PLVAP: variants seen among roughly 807,000 people sequenced by gnomAD.
The protein encoded by PLVAP is plasmalemma vesicle-associated protein.
In PLVAP, 34 loss-of-function variants were observed where a neutral mutation model predicts 43.1. That is an observed-to-expected ratio of 0.79 (90% confidence interval 0.60 to 1.05). PLVAP has a LOEUF of 1.05. PLVAP is among the 50% of genes least tolerant of loss of function. PLVAP has a pLI of 0.00. For missense variants in PLVAP, 574 were observed against 593.4 expected (o/e 0.97, Z 0.34); for synonymous variants, 241 against 237.3 (o/e 1.02, Z -0.14).
chr19:17,365,408 C>A lies in PLVAP; in HGVS notation c.1057G>T (p.Val353Leu), dbSNP rs1416623769. ...AGGTTGTCTCGTTCCTTCCGCAGCA[C>A]CGCCTTCTCCTCCAGCGCTAGCTGG... ...QTQLALEEKA[V>L]LRKERDNLAK... The change falls in exon 3 of 6, where the codon GTG (valine) becomes TTG (leucine). Residue 353 changes from valine (V) to leucine (L), a missense_variant. Coordinates refer to ENST00000252590, the MANE Select transcript of PLVAP (RefSeq NM_031310.3). 2 of 1,613,328 alleles carry A rather than the reference C, an allele frequency of 1.2e-6. No homozygotes were observed. Among genetic ancestry groups the A allele is most frequent in the African/African-American group, 1.3e-5 (1 of 75,066 alleles).
At chr19:17,359,505 A>T (rs1044783202) in intron 5 of PLVAP, among the ~76,000 whole-genome samples, 2 of 151,706 alleles carry the variant, frequency 1.3e-5, no homozygotes, top group African/African-American at 4.8e-5. Context: ...TCCCGGGTTC[A>T]AGTGATTCTC....
At position 17,365,862 on chromosome 19, in the gene PLVAP, C is replaced by T; in HGVS notation, c.603G>A (p.Val201=). 1 of 1,614,128 alleles carries T rather than the reference C, an allele frequency of 6.2e-7. No individual in the cohort carries two copies. The highest frequency in any genetic ancestry group is 8.5e-7 in the Non-Finnish European group (1 of 1,180,036). The change falls in exon 3 of 6, where the codon GTG becomes GTA. Residue 201 remains valine (V), a synonymous_variant. Transcript: ENST00000252590. ...RVAEEQLVEC[V]KTRELQHQER... is the part of the protein sequence containing the mutation. ...CTTGGTGCTGCAGCTCCCGGGTTTT[C>T]ACGCATTCAACCAGCTGTTCCTCCG...
In PLVAP at chr19:17,361,037, C is replaced by T. The variant is rs1437110677; in HGVS notation, c.1180-205G>A. ...TCAAGCGATTCTCCTGCCTAAGCCTCCTGGGTAGCTGGGACTACAGTCACA... is the reference window on the plus strand; with the variant it reads ...TCAAGCGATTCTCCTGCCTAAGCCTTCTGGGTAGCTGGGACTACAGTCACA... On this transcript the variant is annotated intron_variant, in intron 3 of 5. Transcript: ENST00000252590. The T allele has an allele frequency of 5.2e-5, 28 of 540,870 alleles. No individual in the cohort carries two copies. In the East Asian group the frequency reaches 8.2e-4, roughly 16 times the overall value. 33.5% of individuals were successfully genotyped at this position (540,870 alleles called of 1,614,324 possible).
At chr19:17,373,918 T>C (rs2074584452) in intron 1 of PLVAP, among the ~76,000 whole-genome samples, 1 of 152,078 alleles carries the variant, frequency 6.6e-6, no homozygotes, top group Non-Finnish European at 1.5e-5. Flanking sequence ...TCTCAACACT[T>C]TGGGAGGCCA....
At chr19:17,371,219 C>T (rs1035449677) in intron 1 of PLVAP, among the ~76,000 whole-genome samples, 7 of 150,952 alleles carry the variant, frequency 4.6e-5, no homozygotes, top group Non-Finnish European at 7.4e-5. Context: ...TAGAGTGCAG[C>T]GGTGTGATCT....
chr19:17,365,363 T>C lies in PLVAP; in HGVS notation c.1102A>G (p.Lys368Glu), dbSNP rs1353602589. 5.6e-6 allele frequency: 9 copies of C among 1,613,452 alleles called. No individual in the cohort carries two copies. The Admixed American group carries it at 1.5e-4, about 27-fold the overall frequency. ...RDNLAKELEE[K>E]KREAEQLRME... is the part of the protein sequence containing the mutation. Reference sequence around the variant, plus strand: ...CTGAGCTGCTCCGCCTCCCTCTTCTTCTCTTCCAGCTCCTTGGCCAGGTTG... The same window carrying C: ...CTGAGCTGCTCCGCCTCCCTCTTCTCCTCTTCCAGCTCCTTGGCCAGGTTG... The change falls in exon 3 of 6, where the codon AAG becomes GAG. Residue 368 changes from lysine to glutamate, a missense_variant. Physicochemically the swap from Lys to Glu is moderately conservative, Grantham distance 56 (BLOSUM62 1). Coordinates refer to ENST00000252590, the MANE Select transcript of PLVAP (RefSeq NM_031310.3).
In PLVAP at chr19:17,352,305, C is replaced by T; in HGVS notation, c.*57G>A. The T allele has an allele frequency of 6.2e-7, 1 of 1,608,334 alleles. No individual in the cohort carries two copies. Among genetic ancestry groups the T allele is most frequent in the Non-Finnish European group, 8.5e-7 (1 of 1,175,546 alleles). On this transcript the variant is annotated 3_prime_UTR_variant, in exon 6 of 6. Coordinates refer to ENST00000252590, the MANE Select transcript of PLVAP (RefSeq NM_031310.3). ...GTCGGGCGCTGTGAGCATATCCCTG[C>T]ATCCTCCGCAAACCGCCGAGTCGGG...
At position 17,352,125 on chromosome 19, in the gene PLVAP, G is replaced by A. The variant is rs971927976; in HGVS notation, c.*237C>T. On this transcript the variant is annotated 3_prime_UTR_variant, in exon 6 of 6. Coordinates refer to ENST00000252590, the MANE Select transcript of PLVAP (RefSeq NM_031310.3). Reference sequence around the variant, plus strand: ...ATCACCACGGTGATATGTGACGTCAGCGCCGTTGCTTGCGTGACGTCATCT... The same window carrying A: ...ATCACCACGGTGATATGTGACGTCAACGCCGTTGCTTGCGTGACGTCATCT... 1 of 580,674 alleles carries A rather than the reference G, an allele frequency of 1.7e-6. No homozygotes were observed. The highest frequency in any genetic ancestry group is 1.9e-5 in the African/African-American group (1 of 54,014). 36.0% of individuals were successfully genotyped at this position (580,674 alleles called of 1,614,324 possible). A position where few individuals can be genotyped will look rare whatever the true frequency, so the allele number is the denominator to read the frequency against.
rs2074546148 is a variant in PLVAP at position 17,365,608 on chromosome 19, A to C, written c.857T>G (p.Leu286Arg). The C allele has an allele frequency of 6.2e-7, 1 of 1,613,156 alleles. No homozygotes were observed. The highest frequency in any genetic ancestry group is 8.5e-7 in the Non-Finnish European group (1 of 1,180,030). Residue 286 changes from leucine (L) to arginine (R), a missense_variant, in exon 3 of 6, where the codon CTG (leucine) becomes CGG (arginine). Leu to Arg is a moderately radical substitution (Grantham distance 102). Transcript: ENST00000252590. ...PSLMSSKVEE[L>R]ARSLRADIER... ...GATATCCGCCCGGAGGCTCCGGGCC[A>C]GCTCCTCCACCTTGGAGCTCATGAG... is the stretch of plus-strand genomic sequence containing the variant.
chr19:17,365,412 C>T lies in PLVAP; in HGVS notation c.1053G>A (p.Lys351=), dbSNP rs201791359. ...TGTCTCGTTCCTTCCGCAGCACCGC[C>T]TTCTCCTCCAGCGCTAGCTGGGTCT... The part of the protein sequence containing the change: ...SRQTQLALEE[K]AVLRKERDNL... Residue 351 remains lysine (K), a synonymous_variant, in exon 3 of 6, where the codon AAG becomes AAA. Coordinates refer to ENST00000252590, the MANE Select transcript of PLVAP (RefSeq NM_031310.3). 6.2e-7 allele frequency: 1 copy of T among 1,613,252 alleles called. No homozygotes were observed. The highest frequency in any genetic ancestry group is 8.5e-7 in the Non-Finnish European group (1 of 1,180,046).
intron 5 of PLVAP, among the ~76,000 whole-genome samples, chr19:17,354,133 T>TA (rs886886587): frequency 3.7e-4 from 56 of 151,874 alleles, no homozygotes; most frequent in African/African-American, 1.3e-3. Context: ...CTACTATAAA[T>TA]ACAAAAGTTA....
intron 5 of PLVAP, among the ~76,000 whole-genome samples, chr19:17,356,472 T>C (rs1030755379): frequency 1.3e-5 from 2 of 152,124 alleles, no homozygotes; most frequent in African/African-American, 4.8e-5. Context: ...GTCTATTTTA[T>C]TTTTTTAAAC....
At chr19:17,362,786 A>C (rs192066821) in intron 3 of PLVAP, 1 of 152,314 alleles carries the variant, frequency 6.6e-6, no homozygotes, top group Admixed American at 6.6e-5. Flanking sequence ...AAATCAGTGA[A>C]ATCCTAAGTG....
intron 3 of PLVAP, among the ~76,000 whole-genome samples, chr19:17,363,127 AGT>A (rs2074534655): frequency 6.6e-6 from 1 of 152,126 alleles, no homozygotes; most frequent in Non-Finnish European, 1.5e-5. Context: ...GATGTGTGCC[AGT>A]TTGTTACACT....
At chr19:17,360,750 G>A (rs376182951) in intron 4 of PLVAP, 22 bp downstream of exon 4, 397 of 1,609,762 alleles carry the variant, frequency 2.5e-4, no homozygotes, top group Non-Finnish European at 3.0e-4. Flanking sequence ...TCCCCTACTT[G>A]GCTCTGTCTT....
At position 17,355,528 on chromosome 19, in the gene PLVAP, A is replaced by AT. The variant is rs1568372721; in HGVS notation, c.1323-3161_1323-3160insA. Among the ~76,000 whole-genome samples, 461 of 115,850 alleles carry AT rather than the reference A, an allele frequency of 4.0e-3. 3 individuals are homozygous for AT. The highest frequency in any genetic ancestry group is 0.019 in the African/African-American group (416 of 21,594). The allele number at this position is 115,850 out of a possible 152,430, so 76.0% of individuals were successfully genotyped here. On this transcript the variant is annotated intron_variant, in intron 5 of 5. Coordinates refer to ENST00000252590, the MANE Select transcript of PLVAP (RefSeq NM_031310.3). ...CAGGTGCATGCCATCATGCCTGGTT[A>AT]ATTTTTTTTTTTTTTTTTGAGACAG...
intron 5 of PLVAP, among the ~76,000 whole-genome samples, chr19:17,353,433 C>A (rs1169726451): frequency 1.3e-5 from 2 of 152,198 alleles, no homozygotes; most frequent in African/African-American, 2.4e-5. Context: ...CTGCTCAGGT[C>A]CTCACAGCAG....
At chr19:17,374,635 T>C (rs1366368103) in intron 1 of PLVAP, among the ~76,000 whole-genome samples, 1 of 152,010 alleles carries the variant, frequency 6.6e-6, no homozygotes, top group Non-Finnish European at 1.5e-5. Context: ...TTTTTTGTTT[T>C]TTTTTTTCCA....
chr19:17,366,070 C>T (rs1396412879), intron 2 of PLVAP, 29 bp downstream of exon 2: 4 of 1,612,556 alleles, frequency 2.5e-6, no homozygotes, highest in Non-Finnish European at 3.4e-6. Context: ...GAGTCCACCA[C>T]CCCGGCTCCC....
Sources: allele counts gnomAD v4.1 joint callset (sites outside exome capture counted in the v4.1 genomes callset), GRCh38; gene constraint gnomAD v4.1.1; transcripts MANE v1.5; gene names NCBI Gene and HGNC (gene_info 2026-07-23, HGNC 2026-07-21).